The following GALNTL6 variants were observed in gnomAD, a reference collection of about 807,000 sequenced individuals.
The protein encoded by GALNTL6 is polypeptide N-acetylgalactosaminyltransferase like 6, also known as polypeptide N-acetylgalactosaminyltransferase-like 6.
Under a neutral mutation model 73.7 loss-of-function variants are expected in GALNTL6, and 46 were observed. The ratio of observed to expected loss-of-function variants is 0.62; its 90% CI spans 0.49 to 0.80. GALNTL6 has a LOEUF of 0.80. Ranked by LOEUF, GALNTL6 falls within the 30% of genes least tolerant of loss-of-function variation. The pLI is 0.00. For missense variants in GALNTL6, 604 were observed against 755.0 expected, an observed-to-expected ratio of 0.80 and a Z score of 2.34; for synonymous variants, 259 against 263.7, an observed-to-expected ratio of 0.98 and a Z score of 0.17.
chr4:171,986,037 C>CAAAAAA (rs10686994), intron 2 of GALNTL6, among the ~76,000 whole-genome samples: 4 of 82,068 alleles, frequency 4.9e-5, no homozygotes, highest in African/African-American at 5.3e-5. Context: ...GACTCTGTCT[C>CAAAAAA]AAAAAAAAAA....
At chr4:172,563,212 T>C (rs1181566569) in intron 5 of GALNTL6, among the ~76,000 whole-genome samples, 1 of 152,144 alleles carries the variant, frequency 6.6e-6, no homozygotes, top group Admixed American at 6.6e-5. Flanking sequence ...CAAAGGACCT[T>C]CTGATTTCCA....
chr4:172,897,241 G>C (rs1321455271), intron 8 of GALNTL6, among the ~76,000 whole-genome samples: 1 of 152,150 alleles, frequency 6.6e-6, no homozygotes, highest in Non-Finnish European at 1.5e-5. Context: ...TGCACAGACA[G>C]GATAGTCCTC....
intron 2 of GALNTL6, among the ~76,000 whole-genome samples, chr4:172,107,277 T>C (rs984782343): frequency 1.3e-5 from 2 of 152,204 alleles, no homozygotes; most frequent in African/African-American, 2.4e-5. Context: ...GGTGGAGATA[T>C]CACAAAACCT....
chr4:172,594,493 T>C (rs750763673), intron 5 of GALNTL6, among the ~76,000 whole-genome samples: 1 of 152,178 alleles, frequency 6.6e-6, no homozygotes, highest in South Asian at 2.1e-4. Context: ...GTATGGAAAA[T>C]TCAGCTTTAT....
intron 12 of GALNTL6, among the ~76,000 whole-genome samples, chr4:173,025,217 C>T (rs1443404678): frequency 6.6e-6 from 1 of 152,160 alleles, no homozygotes; most frequent in Non-Finnish European, 1.5e-5. Context: ...CAATAACAGG[C>T]ACCCAGGAAG....
At chr4:171,966,879 T>G (rs1028079449) in intron 2 of GALNTL6, among the ~76,000 whole-genome samples, 1 of 152,164 alleles carries the variant, frequency 6.6e-6, no homozygotes, top group African/African-American at 2.4e-5. Flanking sequence ...AATTTTTTTC[T>G]TGTTGTTGTA....
intron 2 of GALNTL6, among the ~76,000 whole-genome samples, chr4:171,946,307 A>C (rs1381528620): frequency 6.6e-6 from 1 of 152,232 alleles, no homozygotes; most frequent in Non-Finnish European, 1.5e-5. Context: ...AAGTTAAGTC[A>C]GTAGAACAAT....
chr4:172,619,640 C>T (rs2111068296), intron 5 of GALNTL6, among the ~76,000 whole-genome samples: 1 of 152,322 alleles, frequency 6.6e-6, no homozygotes, highest in Middle Eastern at 3.4e-3. Flanking sequence ...ATCTCAAAAA[C>T]TTAACCTAGT....
intron 2 of GALNTL6, among the ~76,000 whole-genome samples, chr4:172,202,682 G>A (rs1287284699): frequency 6.6e-6 from 1 of 152,088 alleles, no homozygotes; most frequent in African/African-American, 2.4e-5. Flanking sequence ...TCCTTGAATT[G>A]CAAATACTCA....
At chr4:172,857,838 A>C (rs946127681) in intron 7 of GALNTL6, among the ~76,000 whole-genome samples, 2 of 152,232 alleles carry the variant, frequency 1.3e-5, no homozygotes, top group African/African-American at 4.8e-5. Flanking sequence ...ACTTTGAGGA[A>C]GGAAATGGCT....
In GALNTL6 at chr4:172,432,658, T is replaced by A. The variant is rs1731496024; in HGVS notation, c.553+83969T>A. Among the ~76,000 whole-genome samples, 5 of 152,164 alleles carry A rather than the reference T, an allele frequency of 3.3e-5. No individual in the cohort carries two copies. In the South Asian group the frequency reaches 1.0e-3, roughly 32 times the overall value. On this transcript the variant is annotated intron_variant, in intron 5 of 12. Coordinates refer to ENST00000506823, the MANE Select transcript of GALNTL6 (RefSeq NM_001034845.3). ...AACTGAATAAATATTCTAAAAATCATCAGGCTGTACACTTTTAAAATGAAT... is the reference window on the plus strand; with the variant it reads ...AACTGAATAAATATTCTAAAAATCAACAGGCTGTACACTTTTAAAATGAAT...
chr4:171,848,496 C>T (rs1280963603), intron 2 of GALNTL6, among the ~76,000 whole-genome samples: 2 of 152,174 alleles, frequency 1.3e-5, no homozygotes, highest in Admixed American at 6.5e-5. Flanking sequence ...TCCTCTCTAT[C>T]TATGATATTT....
At chr4:172,895,682 GTTA>G (rs1213699400) in intron 8 of GALNTL6, among the ~76,000 whole-genome samples, 1 of 151,986 alleles carries the variant, frequency 6.6e-6, no homozygotes, top group African/African-American at 2.4e-5. Context: ...AAAGCTCTTT[GTTA>G]TTAGTTCTTT....
At chr4:172,177,779 A>G (rs576131413) in intron 2 of GALNTL6, among the ~76,000 whole-genome samples, 375 of 135,602 alleles carry the variant, frequency 2.8e-3, no homozygotes, top group East Asian at 5.2e-3. Flanking sequence ...GTACACATAT[A>G]TACACATGTG....
intron 8 of GALNTL6, among the ~76,000 whole-genome samples, chr4:172,919,677 A>G (rs925130866): frequency 6.6e-6 from 1 of 152,254 alleles, no homozygotes; most frequent in Admixed American, 6.5e-5. Context: ...AAATGTAAGC[A>G]ATAAACTCAA....
At chr4:172,328,398 G>A (rs562384093) in intron 4 of GALNTL6, among the ~76,000 whole-genome samples, 2 of 152,100 alleles carry the variant, frequency 1.3e-5, no homozygotes, top group East Asian at 3.9e-4. Context: ...GAATCTTGTA[G>A]GGCTTCTCTG....
intron 7 of GALNTL6, among the ~76,000 whole-genome samples, chr4:172,851,952 G>T (rs1250879853): frequency 6.6e-6 from 1 of 152,144 alleles, no homozygotes; most frequent in Non-Finnish European, 1.5e-5. Context: ...AGGCAAAGAA[G>T]GTTTAGGTAA....
chr4:172,131,769 G>A (rs1166365660), intron 2 of GALNTL6, among the ~76,000 whole-genome samples: 1 of 151,700 alleles, frequency 6.6e-6, no homozygotes, highest in Non-Finnish European at 1.5e-5. Flanking sequence ...GATTGTTTGA[G>A]TTTTTGATGC....
At chr4:171,921,712 T>C (rs1578974194) in intron 2 of GALNTL6, among the ~76,000 whole-genome samples, 2 of 152,244 alleles carry the variant, frequency 1.3e-5, no homozygotes, top group Admixed American at 1.3e-4. Context: ...TTTTATTAAG[T>C]TGATGGTGCT....
Sources: gnomAD v4.1 joint callset for allele counts (sites outside exome capture counted in the v4.1 genomes callset) on GRCh38, gnomAD v4.1.1 for gene constraint, MANE v1.5 for transcripts, NCBI Gene and HGNC (gene_info 2026-07-23, HGNC 2026-07-21) for gene names.